Variants in MEF2C observed in about 807,000 individuals in gnomAD.
The protein encoded by MEF2C is myocyte enhancer factor 2C, also known as myocyte-specific enhancer factor 2C.
Under a neutral mutation model 50.5 loss-of-function variants are expected in MEF2C, and 6 were observed. The ratio of observed to expected loss-of-function variants is 0.12; its 90% CI spans 0.07 to 0.23. The LOEUF is 0.23. Ranked by LOEUF, MEF2C falls within the 10% of genes least tolerant of loss-of-function variation. The pLI is 1.00. For missense variants in MEF2C, 276 were observed against 605.0 expected (o/e 0.46, Z 5.70); for synonymous variants, 183 against 228.0 (o/e 0.80, Z 1.78).
At chr5:88,732,439 T>C (rs1327703262) in intron 6 of MEF2C, 1 of 152,652 alleles carries the variant, frequency 6.6e-6, no homozygotes, top group African/African-American at 2.4e-5. Context: ...GAATTCTCTC[T>C]ATGGTTTTTC....
At chr5:88,763,028 AC>A (rs1349841169) in intron 3 of MEF2C, among the ~76,000 whole-genome samples, 1 of 152,244 alleles carries the variant, frequency 6.6e-6, no homozygotes, top group Non-Finnish European at 1.5e-5. Flanking sequence ...TTTCTGAGGC[AC>A]TGAATATTTT....
intron 1 of MEF2C, among the ~76,000 whole-genome samples, chr5:88,888,611 GCTT>G (rs1248334625): frequency 6.6e-6 from 1 of 151,936 alleles, no homozygotes; most frequent in African/African-American, 2.4e-5. Flanking sequence ...TTCCAGTTGT[GCTT>G]CATTTTACAG....
At chr5:88,761,932 G>A (rs532309256) in intron 3 of MEF2C, 1 of 152,298 alleles carries the variant, frequency 6.6e-6, no homozygotes, top group Admixed American at 6.5e-5. Context: ...TGTTTGTTAG[G>A]GTTCTATATA....
At chr5:88,827,249 T>C (rs2153226058) in intron 1 of MEF2C, 1 of 152,100 alleles carries the variant, frequency 6.6e-6, no homozygotes, top group East Asian at 1.9e-4. Context: ...CCTCCCTCAC[T>C]CTTTCTTGCC....
Position 88,722,808 on chromosome 5 carries a change from C to T in MEF2C, c.1218G>A (p.Ser406=), listed in dbSNP as rs759655835. 1.4e-5 allele frequency: 23 copies of T among 1,613,888 alleles called. No homozygotes were observed. The highest frequency in any genetic ancestry group is 1.9e-5 in the Non-Finnish European group (22 of 1,179,862). ...CGTGGCGCGTGTGTTGTGGGTATCT[C>T]GAAGGGGTGGTGGTACGGTCTCTAG... is the stretch of plus-strand genomic sequence containing the variant. ...SPPRDRTTTP[S]RYPQHTRHEA... Residue 406 remains serine (S), a synonymous_variant, in exon 11 of 11, where the codon TCG becomes TCA. Transcript: ENST00000504921.
chr5:88,813,829 C>T (rs1804013756), intron 2 of MEF2C, among the ~76,000 whole-genome samples: 1 of 151,948 alleles, frequency 6.6e-6, no homozygotes, highest in Non-Finnish European at 1.5e-5. Context: ...GTTTGGGATT[C>T]GTATACCCAG....
At chr5:88,741,776 A>T in intron 6 of MEF2C, 2 of 985,248 alleles carry the variant, frequency 2.0e-6, no homozygotes, top group South Asian at 9.4e-5. Context: ...GAAATTGTAA[A>T]AAGAAGGCAT....
chr5:88,861,239 T>C (rs1439130627), intron 1 of MEF2C, among the ~76,000 whole-genome samples: 1 of 152,254 alleles, frequency 6.6e-6, no homozygotes, highest in Admixed American at 6.5e-5. Flanking sequence ...ATGCTGACTA[T>C]ACATTTCAAT....
intron 3 of MEF2C, chr5:88,769,896 T>G (rs1318646571): frequency 2.2e-6 from 2 of 910,944 alleles, no homozygotes; most frequent in Non-Finnish European, 2.6e-6. Flanking sequence ...TCCACCCACC[T>G]AAGCCTCCTA....
chr5:88,853,736 T>C (rs979531399), intron 1 of MEF2C, among the ~76,000 whole-genome samples: 1 of 152,212 alleles, frequency 6.6e-6, no homozygotes, highest in Non-Finnish European at 1.5e-5. Flanking sequence ...TATAAACCCT[T>C]TCCAATGTAC....
chr5:88,824,272 A>T (rs1809867796), intron 1 of MEF2C: 1 of 984,996 alleles, frequency 1.0e-6, no homozygotes, highest in Non-Finnish European at 1.2e-6. Context: ...CGTTATGAAA[A>T]ATTACCTAAA....
At chr5:88,832,248 G>C (rs1458133598) in intron 1 of MEF2C, among the ~76,000 whole-genome samples, 1 of 152,034 alleles carries the variant, frequency 6.6e-6, no homozygotes, top group African/African-American at 2.4e-5. Context: ...TGTTTAAACA[G>C]TTCTGGCTAA....
intron 2 of MEF2C, among the ~76,000 whole-genome samples, chr5:88,821,870 T>A (rs2153216965): frequency 6.6e-6 from 1 of 151,934 alleles, no homozygotes; most frequent in Non-Finnish European, 1.5e-5. Flanking sequence ...TGACTACAGT[T>A]AACAAGAATT....
At chr5:88,853,949 C>T (rs1822318581) in intron 1 of MEF2C, among the ~76,000 whole-genome samples, 1 of 152,150 alleles carries the variant, frequency 6.6e-6, no homozygotes. Flanking sequence ...TATTTCATGA[C>T]CTCACTTGTG....
chr5:88,726,541 C>A (rs1758866410), intron 10 of MEF2C, among the ~76,000 whole-genome samples: 1 of 151,816 alleles, frequency 6.6e-6, no homozygotes, highest in South Asian at 2.1e-4. Flanking sequence ...GAGAGAAGGG[C>A]CAACAGTGGA....
chr5:88,818,950 T>C (rs991541294), intron 2 of MEF2C, among the ~76,000 whole-genome samples: 1 of 152,042 alleles, frequency 6.6e-6, no homozygotes, highest in African/African-American at 2.4e-5. Context: ...GTAAATTTAT[T>C]GAGCACTTAT....
chr5:88,770,447 T>C lies in MEF2C; in HGVS notation c.259-9119A>G, dbSNP rs145762403. ...AGTCATTTGAAATGCGAGTAGCTTA[T>C]ATCCTACATCTTTGCATTCACCAGT... On this transcript the variant is annotated intron_variant, in intron 3 of 10. Transcript: ENST00000504921. 2.7e-3 allele frequency among the ~76,000 whole-genome samples: 415 copies of C among 152,370 alleles called. 2 individuals carry two copies. Among genetic ancestry groups the C allele is most frequent in the African/African-American group, 9.5e-3 (394 of 41,584 alleles).
intron 6 of MEF2C, chr5:88,733,925 G>A: frequency 1.0e-6 from 1 of 985,280 alleles, no homozygotes; most frequent in Non-Finnish European, 1.2e-6. Flanking sequence ...TCTAAAGCTA[G>A]ATAAATATGA....
chr5:88,844,826 A>G (rs934918050), intron 1 of MEF2C, among the ~76,000 whole-genome samples: 3 of 152,214 alleles, frequency 2.0e-5, no homozygotes, highest in African/African-American at 7.2e-5. Flanking sequence ...TAATGTAAAC[A>G]TAATTAGGAA....
Sources: gnomAD v4.1 joint callset for allele counts (sites outside exome capture counted in the v4.1 genomes callset) on GRCh38, gnomAD v4.1.1 for gene constraint, MANE v1.5 for transcripts, NCBI Gene and HGNC (gene_info 2026-07-23, HGNC 2026-07-21) for gene names.